PAIP2B: variants seen among roughly 807,000 people sequenced by gnomAD.
PAIP2B encodes the protein poly(A) binding protein interacting protein 2B.
In PAIP2B, 13 loss-of-function variants were observed where a neutral mutation model predicts 17.0. The ratio of observed to expected loss-of-function variants is 0.76; its 90% CI spans 0.50 to 1.22. The LOEUF is 1.22. Ranked by LOEUF, PAIP2B falls within the 50% of genes most tolerant of loss-of-function variation. The pLI, the probability that PAIP2B is intolerant of heterozygous loss-of-function variation, is 0.00. For missense variants in PAIP2B, 117 were observed against 144.5 expected (o/e 0.81, Z 0.98); for synonymous variants, 43 against 48.7 (o/e 0.88, Z 0.48).
At position 71,184,355 on chromosome 2, in the gene PAIP2B, T is replaced by C. The variant is rs578141880; in HGVS notation, c.*4124A>G. 28 of 152,244 alleles carry C rather than the reference T, an allele frequency of 1.8e-4. No individual in the cohort carries two copies. The highest frequency in any genetic ancestry group is 6.7e-4 in the African/African-American group (28 of 41,536). The allele number at this position is 152,244 out of a possible 1,614,324, so 9.4% of individuals were successfully genotyped here. ...CTGCCTGACACCTTGTAGAGATTAG[T>C]GTATCCAGCTATTCTATTGCCACGA... is the stretch of plus-strand genomic sequence containing the variant. On this transcript the variant is annotated 3_prime_UTR_variant, in exon 4 of 4. Coordinates refer to ENST00000244221, the MANE Select transcript of PAIP2B (RefSeq NM_020459.1).
intron 1 of PAIP2B, among the ~76,000 whole-genome samples, chr2:71,218,227 T>G (rs1675481999): frequency 1.3e-5 from 2 of 152,130 alleles, no homozygotes; most frequent in African/African-American, 4.8e-5. Flanking sequence ...GAGACAGTTT[T>G]GGTAACCTCA....
intron 1 of PAIP2B, among the ~76,000 whole-genome samples, chr2:71,214,161 T>C (rs560770128): frequency 9.9e-5 from 15 of 152,206 alleles, no homozygotes; most frequent in Non-Finnish European, 1.9e-4. Flanking sequence ...GCCTAAAGTA[T>C]AACCTAGTAG....
intron 1 of PAIP2B, among the ~76,000 whole-genome samples, chr2:71,220,494 CCAAT>C (rs1675555580): frequency 1.3e-5 from 2 of 150,226 alleles, no homozygotes; most frequent in Admixed American, 1.3e-4. Context: ...CTGCTCCTTG[CCAAT>C]CAATTATTTC....
rs994294277 is a variant in PAIP2B at position 71,183,602 on chromosome 2, A to G, written c.*4877T>C. The G allele has an allele frequency of 6.6e-6, 1 of 151,030 alleles. No homozygotes were observed. The highest frequency in any genetic ancestry group is 2.4e-5 in the African/African-American group (1 of 40,988). 9.4% of individuals were successfully genotyped at this position (151,030 alleles called of 1,614,324 possible). On this transcript the variant is annotated 3_prime_UTR_variant, in exon 4 of 4. Coordinates refer to ENST00000244221, the MANE Select transcript of PAIP2B (RefSeq NM_020459.1). ...ATCAACAGAATTCTACTCAGCAATA[A>G]AAGGAACAAACTACCAAGACGTTAT... is the stretch of plus-strand genomic sequence containing the variant.
At chr2:71,195,890 G>T (rs1313736972) in intron 2 of PAIP2B, among the ~76,000 whole-genome samples, 2 of 152,146 alleles carry the variant, frequency 1.3e-5, no homozygotes, top group African/African-American at 4.8e-5. Flanking sequence ...GCCCACCTCA[G>T]CCTCCCTAAG....
At position 71,187,108 on chromosome 2, in the gene PAIP2B, A is replaced by C. The variant is rs1674561507; in HGVS notation, c.*1371T>G. The stretch of plus-strand genomic sequence containing the variant: ...TATCTTCAGGGCTCTCCAATTCCTC[A>C]TCCCTGGGAGAATGGCCTGGATGGC... On this transcript the variant is annotated 3_prime_UTR_variant, in exon 4 of 4. Transcript: ENST00000244221. The C allele has an allele frequency of 6.6e-6, 1 of 152,218 alleles. No homozygotes were observed. The highest frequency in any genetic ancestry group is 1.5e-5 in the Non-Finnish European group (1 of 68,080). 9.4% of individuals were successfully genotyped at this position (152,218 alleles called of 1,614,324 possible). A position where few individuals can be genotyped will look rare whatever the true frequency, so the allele number is the denominator to read the frequency against.
At chr2:71,201,693 T>C (rs548478666) in intron 2 of PAIP2B, among the ~76,000 whole-genome samples, 1 of 152,330 alleles carries the variant, frequency 6.6e-6, no homozygotes, top group South Asian at 2.1e-4. Context: ...AAACTTCTTT[T>C]ATGTCTTCAT....
intron 1 of PAIP2B, among the ~76,000 whole-genome samples, chr2:71,218,403 C>G (rs1675487558): frequency 6.6e-6 from 1 of 150,920 alleles, no homozygotes. Flanking sequence ...ATAAAAATGG[C>G]CAATAAGCAT....
Position 71,183,832 on chromosome 2 carries a change from C to T in PAIP2B, c.*4647G>A, listed in dbSNP as rs1674462736. 1 of 152,146 alleles carries T rather than the reference C, an allele frequency of 6.6e-6. No individual in the cohort carries two copies. The highest frequency in any genetic ancestry group is 2.4e-5 in the African/African-American group (1 of 41,434). 9.4% of individuals were successfully genotyped at this position (152,146 alleles called of 1,614,324 possible). A position where few individuals can be genotyped will look rare whatever the true frequency, so the allele number is the denominator to read the frequency against. On this transcript the variant is annotated 3_prime_UTR_variant, in exon 4 of 4. Coordinates refer to ENST00000244221, the MANE Select transcript of PAIP2B (RefSeq NM_020459.1). ...TGGGAGGGATAAAAATGTTCTAAAA[C>T]TGAGTAATAGTTACAGCTACACCAC...
chr2:71,190,279 C>T (rs930700501), intron 2 of PAIP2B, among the ~76,000 whole-genome samples: 1 of 151,988 alleles, frequency 6.6e-6, no homozygotes, highest in Admixed American at 6.6e-5. Flanking sequence ...TAAAATTAGC[C>T]AGGCCATAGT....
At chr2:71,192,242 T>G (rs1674703422) in intron 2 of PAIP2B, among the ~76,000 whole-genome samples, 1 of 150,514 alleles carries the variant, frequency 6.6e-6, no homozygotes, top group African/African-American at 2.4e-5. Flanking sequence ...TTTTGCTGTA[T>G]TTTGCTTCAT....
chr2:71,190,293 G>T (rs759015950), intron 2 of PAIP2B, among the ~76,000 whole-genome samples: 3 of 152,044 alleles, frequency 2.0e-5, no homozygotes, highest in African/African-American at 4.8e-5. Flanking sequence ...CCATAGTGGT[G>T]TGTGCCTGTA....
chr2:71,200,977 A>G (rs1392285295), intron 2 of PAIP2B, among the ~76,000 whole-genome samples: 1 of 149,956 alleles, frequency 6.7e-6, no homozygotes, highest in Non-Finnish European at 1.5e-5. Flanking sequence ...AAGCTTCTCA[A>G]CTGTCTTTCC....
At chr2:71,196,700 G>A (rs1050422231) in intron 2 of PAIP2B, among the ~76,000 whole-genome samples, 2 of 152,008 alleles carry the variant, frequency 1.3e-5, no homozygotes, top group African/African-American at 2.4e-5. Flanking sequence ...GTGCTCCTAT[G>A]TTGTGTGCAT....
chr2:71,217,220 G>A (rs746622172), intron 1 of PAIP2B, among the ~76,000 whole-genome samples: 5 of 152,128 alleles, frequency 3.3e-5, no homozygotes, highest in Non-Finnish European at 7.4e-5. Context: ...TGCAACCTCC[G>A]CCTCCCAGGT....
At chr2:71,196,677 T>A (rs1474953508) in intron 2 of PAIP2B, among the ~76,000 whole-genome samples, 3 of 152,138 alleles carry the variant, frequency 2.0e-5, no homozygotes, top group Non-Finnish European at 4.4e-5. Flanking sequence ...AAGAACTTGC[T>A]TTATGAATCT....
Position 71,185,312 on chromosome 2 carries a change from C to A in PAIP2B, c.*3167G>T, listed in dbSNP as rs555389975. 6.6e-6 allele frequency: 1 copy of A among 152,210 alleles called. No homozygotes were observed. Among genetic ancestry groups the A allele is most frequent in the African/African-American group, 2.4e-5 (1 of 41,548 alleles). The allele number at this position is 152,210 out of a possible 1,614,324, so 9.4% of individuals were successfully genotyped here. On this transcript the variant is annotated 3_prime_UTR_variant, in exon 4 of 4. Transcript: ENST00000244221. The stretch of plus-strand genomic sequence containing the variant: ...CCACACCCAGCCTATAATCCCAGCA[C>A]TTTGGGAGGCTGAGATGGGAGAATC...
rs1674648979 is a variant in PAIP2B, at chr2:71,190,102, TC to T, written c.139-82del. 1.6e-5 allele frequency: 21 copies of T among 1,338,980 alleles called. No individual in the cohort carries two copies. In the South Asian group the frequency reaches 2.9e-4, roughly 19 times the overall value. 82.9% of individuals were successfully genotyped at this position (1,338,980 alleles called of 1,614,324 possible). A position where few individuals can be genotyped will look rare whatever the true frequency, so the allele number is the denominator to read the frequency against. On this transcript the variant is annotated intron_variant, in intron 2 of 3. Coordinates refer to ENST00000244221, the MANE Select transcript of PAIP2B (RefSeq NM_020459.1). ...CCAGTTTTTCCTCCACCTCTTTCCT[TC>T]AGAAGGTATTACTCTGCAATTAAGA...
At chr2:71,198,311 A>G (rs1674880491) in intron 2 of PAIP2B, among the ~76,000 whole-genome samples, 1 of 134,402 alleles carries the variant, frequency 7.4e-6, no homozygotes, top group African/African-American at 2.8e-5. Context: ...TTTGAGACAG[A>G]GTCTCGCTCT....
Sources: allele counts gnomAD v4.1 joint callset (sites outside exome capture counted in the v4.1 genomes callset), GRCh38; gene constraint gnomAD v4.1.1; transcripts MANE v1.5; gene names NCBI Gene and HGNC (gene_info 2026-07-23, HGNC 2026-07-21).